SCAI: variants seen among roughly 807,000 people sequenced by gnomAD.
SCAI encodes suppressor of cancer cell invasion, also known as protein SCAI.
SCAI carries 24 observed loss-of-function variants against 92.2 expected under a neutral mutation model. The observed-to-expected ratio is 0.26, with a 90% CI of 0.19 to 0.37. The LOEUF is 0.37. Among genes scored for constraint, SCAI ranks in the 10% least tolerant of loss-of-function variants. The pLI is 1.00. For missense variants in SCAI, 450 were observed against 736.2 expected, an observed-to-expected ratio of 0.61 and a Z score of 4.50; for synonymous variants, 261 against 258.6, an observed-to-expected ratio of 1.01 and a Z score of -0.09.
intron 2 of SCAI, among the ~76,000 whole-genome samples, chr9:125,126,369 A>C (rs1479326776): frequency 6.6e-6 from 1 of 151,642 alleles, no homozygotes; most frequent in African/African-American, 2.4e-5. Flanking sequence ...CCATGGAGTT[A>C]GCCTCCCCCA....
chr9:124,995,685 T>A (rs541028302), intron 13 of SCAI, among the ~76,000 whole-genome samples: 121 of 152,180 alleles, frequency 8.0e-4, no homozygotes, highest in Non-Finnish European at 1.5e-3. Context: ...GAGATGGGGT[T>A]TCTCCATATT....
At chr9:125,095,892 C>G (rs1463171747) in intron 2 of SCAI, among the ~76,000 whole-genome samples, 1 of 152,206 alleles carries the variant, frequency 6.6e-6, no homozygotes, top group Non-Finnish European at 1.5e-5. Flanking sequence ...GAGGCTTAAA[C>G]TGAGAAAGAA....
At chr9:124,953,065 ATTC>A in intron 17 of SCAI, 112 bp from the exon 18 acceptor site, 1 of 826,538 alleles carries the variant, frequency 1.2e-6, no homozygotes, top group Non-Finnish European at 2.0e-6. Context: ...TACTGGAATG[ATTC>A]TTATTAATAT....
chr9:125,074,591 T>G (rs764642520), intron 2 of SCAI, among the ~76,000 whole-genome samples: 1 of 151,864 alleles, frequency 6.6e-6, no homozygotes, highest in Non-Finnish European at 1.5e-5. Context: ...CTTCTCTCAG[T>G]GGCAAAGAAC....
chr9:125,121,288 A>G (rs1835151304), intron 2 of SCAI, among the ~76,000 whole-genome samples: 2 of 148,748 alleles, frequency 1.3e-5, no homozygotes, highest in African/African-American at 5.0e-5. Flanking sequence ...AATAGATGAC[A>G]TACGAGATGC....
intron 2 of SCAI, among the ~76,000 whole-genome samples, chr9:125,068,147 A>AT (rs1450925483): frequency 6.6e-6 from 1 of 152,236 alleles, no homozygotes; most frequent in African/African-American, 2.4e-5. Flanking sequence ...TAGTTATGTG[A>AT]TTTTAACCAA....
chr9:125,098,001 ATGTG>A (rs529831429), intron 2 of SCAI, among the ~76,000 whole-genome samples: 43 of 150,820 alleles, frequency 2.9e-4, no homozygotes, highest in Non-Finnish European at 5.2e-4. Context: ...GAATATATAT[ATGTG>A]TGTGTGTGTG....
chr9:125,093,285 CA>C (rs1366993290), intron 2 of SCAI, among the ~76,000 whole-genome samples: 2 of 151,974 alleles, frequency 1.3e-5, no homozygotes, highest in Non-Finnish European at 2.9e-5. Context: ...TGCTTGAACC[CA>C]GGAGGGGAAG....
At chr9:125,123,946 A>T (rs1487507402) in intron 2 of SCAI, among the ~76,000 whole-genome samples, 3 of 152,226 alleles carry the variant, frequency 2.0e-5, no homozygotes, top group African/African-American at 7.2e-5. Flanking sequence ...TGGAGAGAGA[A>T]CTTAGGAGAA....
chr9:125,092,105 G>A (rs1186404847), intron 2 of SCAI, among the ~76,000 whole-genome samples: 5 of 138,964 alleles, frequency 3.6e-5, no homozygotes, highest in African/African-American at 5.6e-5. Context: ...ACTCCAGCCT[G>A]GGCGACAGAG....
chr9:125,036,103 T>C (rs1353029490), intron 3 of SCAI, among the ~76,000 whole-genome samples: 4 of 152,150 alleles, frequency 2.6e-5, no homozygotes, highest in South Asian at 2.1e-4. Context: ...TAAGCCATCA[T>C]TGCACCACTG....
At position 125,032,195 on chromosome 9, in the gene SCAI, A is replaced by ATTTTT. The variant is rs71374219; in HGVS notation, c.231-2461_231-2457dup. Among the ~76,000 whole-genome samples the ATTTTT allele has an allele frequency of 5.2e-3, 515 of 99,406 alleles. 14 individuals are homozygous for ATTTTT. Among genetic ancestry groups the ATTTTT allele is most frequent in the African/African-American group, 0.014 (288 of 21,000 alleles). 65.2% of individuals were successfully genotyped at this position (99,406 alleles called of 152,430 possible). A position where few individuals can be genotyped will look rare whatever the true frequency, so the allele number is the denominator to read the frequency against. Reference sequence around the variant, plus strand: ...AATATATATATATATATATATATATATTTTTTTTTTTTTTTGAGATGGAGT... The same window carrying ATTTTT: ...AATATATATATATATATATATATATATTTTTTTTTTTTTTTTTTTTGAGATGGAGT... On this transcript the variant is annotated intron_variant, in intron 3 of 17. Coordinates refer to ENST00000336505, the MANE Select transcript of SCAI (RefSeq NM_001144877.3).
At chr9:124,993,661 G>A (rs1386946536) in intron 14 of SCAI, among the ~76,000 whole-genome samples, 1 of 152,118 alleles carries the variant, frequency 6.6e-6, no homozygotes, top group African/African-American at 2.4e-5. Context: ...AACAAAATGA[G>A]TAGGAGGAAA....
At chr9:125,033,608 TGG>T (rs1328450354) in intron 3 of SCAI, among the ~76,000 whole-genome samples, 2 of 152,192 alleles carry the variant, frequency 1.3e-5, no homozygotes, top group African/African-American at 2.4e-5. Context: ...TAACTGCTAA[TGG>T]GTACAGGGTT....
intron 2 of SCAI, among the ~76,000 whole-genome samples, chr9:125,066,766 T>A (rs1016491582): frequency 5.3e-5 from 8 of 152,160 alleles, no homozygotes; most frequent in Non-Finnish European, 1.0e-4. Context: ...TTATTTTTTT[T>A]AAAGATGCAG....
chr9:124,979,821 G>A (rs1325205645), intron 14 of SCAI, among the ~76,000 whole-genome samples: 3 of 152,114 alleles, frequency 2.0e-5, no homozygotes, highest in East Asian at 1.9e-4. Flanking sequence ...AGGCCCAGGC[G>A]GGCGGATCAC....
At chr9:125,101,510 C>A (rs1164373814) in intron 2 of SCAI, among the ~76,000 whole-genome samples, 1 of 152,118 alleles carries the variant, frequency 6.6e-6, no homozygotes, top group Non-Finnish European at 1.5e-5. Context: ...GATGGAATAG[C>A]CACTGACTAA....
intron 9 of SCAI, among the ~76,000 whole-genome samples, chr9:125,016,573 A>G (rs560788573): frequency 2.0e-4 from 31 of 152,144 alleles, no homozygotes; most frequent in Non-Finnish European, 4.3e-4. Flanking sequence ...TGAAGTCAGA[A>G]GTATCAGCAT....
At chr9:125,052,503 T>TTGGAGGCAGGAGAATCGCA (rs1217610712) in intron 3 of SCAI, among the ~76,000 whole-genome samples, 45 of 151,848 alleles carry the variant, frequency 3.0e-4, no homozygotes, top group African/African-American at 1.1e-3. Flanking sequence ...GGAGAATCGC[T>TTGGAGGCAGGAGAATCGCA]TGGAGGCAGG....
Sources: allele counts gnomAD v4.1 joint callset (sites outside exome capture counted in the v4.1 genomes callset), GRCh38; gene constraint gnomAD v4.1.1; transcripts MANE v1.5; gene names NCBI Gene and HGNC (gene_info 2026-07-23, HGNC 2026-07-21).